Variants in SPOCK1 observed in about 807,000 individuals in gnomAD.
SPOCK1 encodes the protein testican-1.
SPOCK1 carries 23 observed loss-of-function variants against 55.3 expected under a neutral mutation model. That is an observed-to-expected ratio of 0.42 (90% CI 0.30 to 0.59). The LOEUF (loss-of-function observed/expected upper bound fraction) is 0.59, where lower values mean the gene tolerates loss of function less well. Among genes scored for constraint, SPOCK1 ranks in the 20% least tolerant of loss-of-function variants. The pLI is 0.22. For missense variants in SPOCK1, 499 were observed against 552.5 expected (o/e 0.90, Z 0.97); for synonymous variants, 226 against 221.0 (o/e 1.02, Z -0.20).
chr5:137,074,383 C>T (rs956937377), intron 5 of SPOCK1, among the ~76,000 whole-genome samples: 2 of 152,172 alleles, frequency 1.3e-5, no homozygotes, highest in African/African-American at 4.8e-5. Flanking sequence ...TATAAGAGAA[C>T]ACCCCTTTTC....
intron 6 of SPOCK1, among the ~76,000 whole-genome samples, chr5:137,059,309 T>C (rs555997214): frequency 9.3e-4 from 141 of 152,348 alleles, no homozygotes; most frequent in African/African-American, 3.2e-3. Flanking sequence ...CGTGAAAATA[T>C]ATGTATGATA....
chr5:137,422,182 G>C (rs972482654), intron 2 of SPOCK1, among the ~76,000 whole-genome samples: 29 of 152,286 alleles, frequency 1.9e-4, no homozygotes, highest in African/African-American at 6.3e-4. Flanking sequence ...TAGTCTGATG[G>C]GGTAACCCAA....
intron 3 of SPOCK1, among the ~76,000 whole-genome samples, chr5:137,161,195 G>T (rs1456589388): frequency 6.7e-6 from 1 of 149,996 alleles, no homozygotes; most frequent in Non-Finnish European, 1.5e-5. Flanking sequence ...TAATTTGGAG[G>T]TGGGAAAATA....
chr5:137,087,248 C>T (rs1208196931), intron 5 of SPOCK1, among the ~76,000 whole-genome samples: 1 of 152,176 alleles, frequency 6.6e-6, no homozygotes, highest in Non-Finnish European at 1.5e-5. Context: ...AAGGTGAAAG[C>T]CACATGTGCA....
chr5:137,090,995 G>T (rs1236076918), intron 5 of SPOCK1, among the ~76,000 whole-genome samples: 2 of 152,148 alleles, frequency 1.3e-5, no homozygotes, highest in Non-Finnish European at 2.9e-5. Context: ...GGAAAAAAAG[G>T]TAGCACAAGA....
chr5:137,265,649 T>C (rs1223966819), intron 3 of SPOCK1, among the ~76,000 whole-genome samples: 1 of 152,172 alleles, frequency 6.6e-6, no homozygotes, highest in Non-Finnish European at 1.5e-5. Flanking sequence ...TTGTTAGGAT[T>C]GTAGAAGAAT....
chr5:137,449,886 C>CAAAAAAAAAAAAAAAAAAAAAAAAAAAAA (rs562723108), intron 2 of SPOCK1, among the ~76,000 whole-genome samples: 1 of 52,908 alleles, frequency 1.9e-5, no homozygotes, highest in African/African-American at 7.9e-5. Flanking sequence ...GATGCTGTCT[C>CAAAAAAAAAAAAAAAAAAAAAAAAAAAAA]AAAAAAAAAA....
At chr5:137,272,325 T>C (rs1348977990) in intron 2 of SPOCK1, among the ~76,000 whole-genome samples, 7 of 152,190 alleles carry the variant, frequency 4.6e-5, no homozygotes, top group African/African-American at 1.7e-4. Flanking sequence ...GAAATGATAA[T>C]AGAAGTCACC....
intron 2 of SPOCK1, among the ~76,000 whole-genome samples, chr5:137,293,089 A>ATTTTT (rs531537488): frequency 1.6e-3 from 164 of 100,782 alleles, no homozygotes; most frequent in African/African-American, 4.8e-3. Context: ...GGTTTGTTGA[A>ATTTTT]TTTTTTTTTT....
intron 5 of SPOCK1, among the ~76,000 whole-genome samples, chr5:137,099,179 C>A (rs551625768): frequency 7.9e-5 from 12 of 152,232 alleles, no homozygotes; most frequent in South Asian, 2.1e-4. Context: ...GATGAGAGAG[C>A]AAAGCAGGAT....
At chr5:137,205,135 G>A (rs1259047106) in intron 3 of SPOCK1, among the ~76,000 whole-genome samples, 1 of 152,160 alleles carries the variant, frequency 6.6e-6, no homozygotes, top group African/African-American at 2.4e-5. Context: ...CTAGACTATA[G>A]GCTTCACAAG....
chr5:137,396,507 G>A (rs933635653), intron 2 of SPOCK1, among the ~76,000 whole-genome samples: 7 of 152,190 alleles, frequency 4.6e-5, no homozygotes, highest in Non-Finnish European at 8.8e-5. Context: ...CAGGAATCAG[G>A]ACTGTGGTAC....
intron 3 of SPOCK1, among the ~76,000 whole-genome samples, chr5:137,260,611 T>C (rs1269774475): frequency 6.6e-6 from 1 of 152,186 alleles, no homozygotes; most frequent in Non-Finnish European, 1.5e-5. Flanking sequence ...ATTTTATAGC[T>C]GATGTTTTAT....
Position 137,373,456 on chromosome 5 carries a change from C to T in SPOCK1, c.187-106401G>A, listed in dbSNP as rs190322124. ...GGTTTCACCTCCTGCCCCACCAATT[C>T]CCCTGCAGCATCCCTGTAGAAGGAT... On this transcript the variant is annotated intron_variant, in intron 2 of 10. Transcript: ENST00000394945. Among the ~76,000 whole-genome samples, 244 of 152,320 alleles carry T rather than the reference C, an allele frequency of 1.6e-3. 1 individual carries two copies. The highest frequency in any genetic ancestry group is 5.2e-3 in the African/African-American group (218 of 41,562).
chr5:137,131,235 A>T (rs926735038), intron 4 of SPOCK1, among the ~76,000 whole-genome samples: 11 of 152,266 alleles, frequency 7.2e-5, no homozygotes, highest in African/African-American at 2.7e-4. Context: ...TTTATTAAAT[A>T]ACAAAGGAAA....
chr5:137,463,896 C>CT (rs1217733646), intron 2 of SPOCK1, among the ~76,000 whole-genome samples: 1 of 152,074 alleles, frequency 6.6e-6, no homozygotes, highest in Non-Finnish European at 1.5e-5. Context: ...TGGAGCAAGC[C>CT]AAGATTACAC....
chr5:137,423,887 T>G (rs1389102327), intron 2 of SPOCK1, among the ~76,000 whole-genome samples: 1 of 152,240 alleles, frequency 6.6e-6, no homozygotes, highest in African/African-American at 2.4e-5. Flanking sequence ...CACTGGGAGC[T>G]GTAGACTGGA....
intron 6 of SPOCK1, among the ~76,000 whole-genome samples, chr5:137,062,626 C>G (rs938391200): frequency 6.6e-6 from 1 of 151,700 alleles, no homozygotes; most frequent in Non-Finnish European, 1.5e-5. Context: ...CAGCAATGCC[C>G]TGGAGCTGAA....
At chr5:137,398,105 C>T (rs1466053827) in intron 2 of SPOCK1, among the ~76,000 whole-genome samples, 1 of 152,104 alleles carries the variant, frequency 6.6e-6, no homozygotes, top group Non-Finnish European at 1.5e-5. Context: ...GCTGCCAACA[C>T]CACCGACACC....
Sources: allele counts gnomAD v4.1 joint callset (sites outside exome capture counted in the v4.1 genomes callset), GRCh38; gene constraint gnomAD v4.1.1; transcripts MANE v1.5; gene names NCBI Gene and HGNC (gene_info 2026-07-23, HGNC 2026-07-21).